The following ZRANB3 variants were observed in gnomAD, a reference collection of about 807,000 sequenced individuals.
ZRANB3 encodes zinc finger RANBP2-type containing 3.
Under a neutral mutation model 133.8 loss-of-function variants are expected in ZRANB3, and 125 were observed. That is an observed-to-expected ratio of 0.93 (90% CI 0.81 to 1.08). The LOEUF is 1.08. Ranked by LOEUF, ZRANB3 falls within the 50% of genes least tolerant of loss-of-function variation. ZRANB3 has a pLI of 0.00. For missense variants in ZRANB3, 1,229 were observed against 1,275.5 expected (o/e 0.96, Z 0.56); for synonymous variants, 387 against 432.7 (o/e 0.89, Z 1.31).
rs892046296 is a variant in ZRANB3, at chr2:135,521,727, T to C, written c.-8+9400A>G. On this transcript the variant is annotated intron_variant, in intron 1 of 20. Coordinates refer to ENST00000264159, the MANE Select transcript of ZRANB3 (RefSeq NM_032143.4). Reference sequence around the variant, plus strand: ...AAGGCACTACACATAAGAGGGAACATTGGCTTTATACGGCAGCAAGTAATC... The same window carrying C: ...AAGGCACTACACATAAGAGGGAACACTGGCTTTATACGGCAGCAAGTAATC... 1.0e-3 allele frequency among the ~76,000 whole-genome samples: 155 copies of C among 152,218 alleles called. 1 individual carries two copies. Among genetic ancestry groups the C allele is most frequent in the African/African-American group, 3.5e-3 (144 of 41,524 alleles).
intron 8 of ZRANB3, among the ~76,000 whole-genome samples, chr2:135,281,174 T>C (rs893823943): frequency 6.6e-6 from 1 of 152,206 alleles, no homozygotes; most frequent in African/African-American, 2.4e-5. Context: ...TCTACTGCAA[T>C]AGTCTTGAGT....
At chr2:135,469,735 G>A (rs1353531497) in intron 2 of ZRANB3, among the ~76,000 whole-genome samples, 8 of 152,300 alleles carry the variant, frequency 5.3e-5, no homozygotes, top group South Asian at 2.1e-4. Flanking sequence ...TATTTGGGCC[G>A]GGCACGGTGG....
At position 135,390,803 on chromosome 2, in the gene ZRANB3, T is replaced by G; in HGVS notation, c.179A>C (p.Glu60Ala). The G allele has an allele frequency of 6.5e-7, 1 of 1,536,810 alleles. No homozygotes were observed. Among genetic ancestry groups the G allele is most frequent in the Non-Finnish European group, 8.8e-7 (1 of 1,142,072 alleles). Residue 60 changes from glutamate to alanine, a missense_variant and splice_region_variant, in exon 3 of 21, where the codon GAA (glutamate) becomes GCA (alanine). Glu to Ala is a moderately radical substitution (Grantham distance 107, BLOSUM62 -1). Coordinates refer to ENST00000264159, the MANE Select transcript of ZRANB3 (RefSeq NM_032143.4). ...CATAAAAACCATTGAAACACTTACTTCATCAGCCACCATACACCTGGAAAA... is the reference window on the plus strand; with the variant it reads ...CATAAAAACCATTGAAACACTTACTGCATCAGCCACCATACACCTGGAAAA... Reference protein sequence around the residue: ...KRNGRCMVADEMGLGKTIQAI... With the variant: ...KRNGRCMVADAMGLGKTIQAI...
chr2:135,278,668 G>C (rs1024318716), intron 8 of ZRANB3, among the ~76,000 whole-genome samples: 1 of 151,914 alleles, frequency 6.6e-6, no homozygotes, highest in African/African-American at 2.4e-5. Flanking sequence ...GAAACTTTGA[G>C]GATGGATTAG....
At chr2:135,340,502 A>C (rs1684601403) in intron 6 of ZRANB3, among the ~76,000 whole-genome samples, 1 of 152,064 alleles carries the variant, frequency 6.6e-6, no homozygotes, top group South Asian at 2.1e-4. Flanking sequence ...CTGGATCTAC[A>C]AGAAAAATAT....
chr2:135,252,549 T>C (rs569932929), intron 12 of ZRANB3, among the ~76,000 whole-genome samples: 1 of 152,292 alleles, frequency 6.6e-6, no homozygotes, highest in East Asian at 1.9e-4. Flanking sequence ...ATGTCTAGTG[T>C]GTACCTATGT....
chr2:135,343,493 C>T (rs887609449), intron 6 of ZRANB3, among the ~76,000 whole-genome samples: 1 of 149,256 alleles, frequency 6.7e-6, no homozygotes, highest in Non-Finnish European at 1.5e-5. Context: ...GTTAGACTGA[C>T]TTCATAGAAA....
chr2:135,349,606 T>G (rs563861674), intron 5 of ZRANB3, among the ~76,000 whole-genome samples: 1 of 152,236 alleles, frequency 6.6e-6, no homozygotes, highest in African/African-American at 2.4e-5. Context: ...TGAAATGCAG[T>G]GTAAAAGAAA....
At chr2:135,375,443 T>G (rs2104904745) in intron 3 of ZRANB3, among the ~76,000 whole-genome samples, 1 of 152,124 alleles carries the variant, frequency 6.6e-6, no homozygotes, top group Non-Finnish European at 1.5e-5. Flanking sequence ...CCCACCACTT[T>G]GGGAGGCCAA....
At chr2:135,204,661 A>C (rs2105034620) in intron 19 of ZRANB3, among the ~76,000 whole-genome samples, 1 of 142,056 alleles carries the variant, frequency 7.0e-6, no homozygotes, top group East Asian at 2.0e-4. Context: ...ATATATATAT[A>C]TACATATATA....
At chr2:135,469,115 C>A (rs918908067) in intron 2 of ZRANB3, among the ~76,000 whole-genome samples, 4 of 152,088 alleles carry the variant, frequency 2.6e-5, no homozygotes, top group African/African-American at 9.7e-5. Flanking sequence ...CTTCTGAAGA[C>A]CCTGCTGATC....
intron 19 of ZRANB3, among the ~76,000 whole-genome samples, chr2:135,204,755 T>TTTATATATATA (rs1693789484): frequency 6.9e-6 from 1 of 144,780 alleles, no homozygotes; most frequent in Non-Finnish European, 1.5e-5. Context: ...ATATTATATA[T>TTTATATATATA]TTATATATAT....
At chr2:135,299,989 C>G (rs1014182990) in intron 8 of ZRANB3, among the ~76,000 whole-genome samples, 3 of 151,996 alleles carry the variant, frequency 2.0e-5, no homozygotes, top group Non-Finnish European at 4.4e-5. Flanking sequence ...TGGATAGAGA[C>G]CCATTTGTTT....
At chr2:135,293,089 G>T (rs1037021392) in intron 8 of ZRANB3, among the ~76,000 whole-genome samples, 12 of 152,066 alleles carry the variant, frequency 7.9e-5, no homozygotes, top group African/African-American at 2.7e-4. Context: ...TTCTTTTTTG[G>T]TTCCATATGA....
intron 2 of ZRANB3, among the ~76,000 whole-genome samples, chr2:135,441,205 A>G (rs1206640816): frequency 6.6e-6 from 1 of 152,220 alleles, no homozygotes; most frequent in Non-Finnish European, 1.5e-5. Flanking sequence ...AAAGATAGAG[A>G]CAAAGAAGAA....
chr2:135,330,569 A>G (rs529624764), intron 6 of ZRANB3, among the ~76,000 whole-genome samples: 1 of 152,304 alleles, frequency 6.6e-6, no homozygotes, highest in South Asian at 2.1e-4. Context: ...TGGCCTCATA[A>G]AATGAGTTAG....
At chr2:135,381,026 T>C (rs1466654701) in intron 3 of ZRANB3, among the ~76,000 whole-genome samples, 2 of 152,074 alleles carry the variant, frequency 1.3e-5, no homozygotes, top group African/African-American at 2.4e-5. Flanking sequence ...ATGCAGTGCA[T>C]TGAGCGTGAG....
At chr2:135,427,315 C>T (rs1034687568) in intron 2 of ZRANB3, among the ~76,000 whole-genome samples, 10 of 152,096 alleles carry the variant, frequency 6.6e-5, no homozygotes, top group Non-Finnish European at 1.5e-5. Flanking sequence ...CTGGAAAACT[C>T]GATTGTCTCT....
chr2:135,206,122 A>G (rs1018999239), intron 19 of ZRANB3, among the ~76,000 whole-genome samples: 1 of 152,238 alleles, frequency 6.6e-6, no homozygotes, highest in Non-Finnish European at 1.5e-5. Flanking sequence ...TGATAGTATG[A>G]TAGTATAAAA....
Sources: allele counts gnomAD v4.1 joint callset (sites outside exome capture counted in the v4.1 genomes callset), GRCh38; gene constraint gnomAD v4.1.1; transcripts MANE v1.5; gene names NCBI Gene and HGNC (gene_info 2026-07-23, HGNC 2026-07-21).